The following C6 variants were observed in gnomAD, a reference collection of about 807,000 sequenced individuals.
C6 encodes complement C6.
A neutral mutation model predicts 112.9 loss-of-function variants in C6; 101 were observed. That is an observed-to-expected ratio of 0.89 (90% CI 0.76 to 1.06). The LOEUF is 1.06. C6 is among the 50% of genes least tolerant of loss of function. C6 has a pLI of 0.00. For missense variants in C6, 1,202 were observed against 1,104.6 expected (o/e 1.09, Z -1.25); for synonymous variants, 431 against 384.1 (o/e 1.12, Z -1.43).
At chr5:41,211,791 T>C (rs552719580) in intron 1 of C6, among the ~76,000 whole-genome samples, 15 of 152,264 alleles carry the variant, frequency 9.9e-5, no homozygotes, top group African/African-American at 3.1e-4. Flanking sequence ...TCCTCAATTG[T>C]AGAGAAAACA....
At chr5:41,188,249 G>A (rs1211629112) in intron 5 of C6, among the ~76,000 whole-genome samples, 2 of 152,054 alleles carry the variant, frequency 1.3e-5, no homozygotes, top group African/African-American at 2.4e-5. Flanking sequence ...CAAAATCTCA[G>A]CTGCCTTTTT....
chr5:41,199,570 G>C (rs978991800), intron 4 of C6, among the ~76,000 whole-genome samples, 198 bp downstream of exon 4: 36 of 151,996 alleles, frequency 2.4e-4, no homozygotes, highest in African/African-American at 8.7e-4. Context: ...CAGGTAAGTG[G>C]TCAAAATGGT....
At chr5:41,211,324 A>ATATGGCG (rs1751908463) in intron 1 of C6, among the ~76,000 whole-genome samples, 1 of 151,802 alleles carries the variant, frequency 6.6e-6, no homozygotes, top group Non-Finnish European at 1.5e-5. Flanking sequence ...CCAACATGGC[A>ATATGGCG]TATGTATACA....
chr5:41,223,345 C>G (rs949210613), intron 1 of C6, among the ~76,000 whole-genome samples: 1 of 152,192 alleles, frequency 6.6e-6, no homozygotes, highest in African/African-American at 2.4e-5. Context: ...TTTTTCTGCT[C>G]TTCTCTCTGG....
rs1446362276 is a variant in C6, at chr5:41,199,853, A to C, written c.360T>G (p.Pro120=). 1 of 1,613,708 alleles carries C rather than the reference A, an allele frequency of 6.2e-7. No individual in the cohort carries two copies. The highest frequency in any genetic ancestry group is 1.7e-5 in the Admixed American group (1 of 59,996). ...SQFGGQPCTA[P]LVAFQPCIPS... is the part of the protein sequence containing the mutation. Reference sequence around the variant, plus strand: ...GAATGCATGGTTGAAAGGCTACCAGAGGCGCAGTGCATGGCTGTCCCCCAA... The same window carrying C: ...GAATGCATGGTTGAAAGGCTACCAGCGGCGCAGTGCATGGCTGTCCCCCAA... The change falls in exon 4 of 18, where the codon CCT becomes CCG. Residue 120 remains proline (P), a synonymous_variant. Transcript: ENST00000337836.
chr5:41,164,694 C>A (rs551987226), intron 9 of C6, among the ~76,000 whole-genome samples: 3 of 152,270 alleles, frequency 2.0e-5, no homozygotes, highest in African/African-American at 7.2e-5. Context: ...CGGTCTCTAA[C>A]TTTGCAATGT....
At chr5:41,241,471 G>C (rs1216334042) in intron 1 of C6, among the ~76,000 whole-genome samples, 1 of 152,174 alleles carries the variant, frequency 6.6e-6, no homozygotes, top group Non-Finnish European at 1.5e-5. Context: ...ATTGTACATT[G>C]AACTGTGATT....
In C6 at chr5:41,261,373, C is replaced by G. The variant is rs777604843; in HGVS notation, c.-200G>C. 6.1e-4 allele frequency: 130 copies of G among 214,258 alleles called. 2 individuals carry two copies. Among genetic ancestry groups the G allele is most frequent in the Admixed American group, 2.9e-3 (44 of 15,298 alleles). The allele number at this position is 214,258 out of a possible 1,614,324, so 13.3% of individuals were successfully genotyped here. A position where few individuals can be genotyped will look rare whatever the true frequency, so the allele number is the denominator to read the frequency against. ...TATTTCAGTTTTTAAGACTCAGTTT[C>G]AGAATAAAATTTAATGAATGTTATG... On this transcript the variant is annotated 5_prime_UTR_variant, in exon 1 of 18. Transcript: ENST00000263413.
chr5:41,180,798 A>C (rs1395531818), intron 7 of C6, among the ~76,000 whole-genome samples: 1 of 151,630 alleles, frequency 6.6e-6, no homozygotes, highest in African/African-American at 2.4e-5. Context: ...AAAGATTTAG[A>C]GAATATACCT....
chr5:41,151,859 GAA>G (rs35572937), intron 15 of C6, among the ~76,000 whole-genome samples: 21 of 142,456 alleles, frequency 1.5e-4, no homozygotes, highest in East Asian at 6.1e-4. Context: ...AGAAGATAAG[GAA>G]AAAAAAAAAA....
At chr5:41,232,262 C>T (rs1483466286) in intron 1 of C6, among the ~76,000 whole-genome samples, 1 of 152,030 alleles carries the variant, frequency 6.6e-6, no homozygotes, top group Admixed American at 6.6e-5. Flanking sequence ...TGAGTTGTGG[C>T]CGTCTTAGTA....
chr5:41,227,398 G>A (rs931947189), intron 1 of C6, among the ~76,000 whole-genome samples: 1 of 151,740 alleles, frequency 6.6e-6, no homozygotes, highest in Non-Finnish European at 1.5e-5. Flanking sequence ...CTCCTATTCC[G>A]TAGGTTGTCT....
intron 13 of C6, among the ~76,000 whole-genome samples, chr5:41,156,580 T>A (rs1326375701): frequency 6.6e-6 from 1 of 152,330 alleles, no homozygotes; most frequent in East Asian, 1.9e-4. Flanking sequence ...GCAGTTGTTC[T>A]TCTGAGAATT....
At chr5:41,232,984 G>A (rs1444908) in intron 1 of C6, among the ~76,000 whole-genome samples, 11,682 of 151,842 alleles carry the variant, frequency 0.077, 745 homozygotes, top group African/African-American at 0.17. Flanking sequence ...TATAGAATCT[G>A]CTGCACTAGC....
intron 13 of C6, among the ~76,000 whole-genome samples, chr5:41,155,726 C>T (rs1304020674): frequency 6.6e-6 from 1 of 150,998 alleles, no homozygotes; most frequent in Non-Finnish European, 1.5e-5. Context: ...GAAATCCTGT[C>T]TCAAAACAAA....
intron 1 of C6, among the ~76,000 whole-genome samples, chr5:41,210,953 C>T (rs930992174): frequency 3.3e-5 from 5 of 152,118 alleles, no homozygotes; most frequent in African/African-American, 1.2e-4. Flanking sequence ...TTTATTGTGG[C>T]ACTATTCACA....
chr5:41,213,006 A>G (rs566053834), intron 1 of C6: 1 of 151,718 alleles, frequency 6.6e-6, no homozygotes, highest in Non-Finnish European at 1.5e-5. Flanking sequence ...ATTTCTTATT[A>G]TTTTTTTCTG....
At chr5:41,198,449 A>G (rs1750768883) in intron 4 of C6, among the ~76,000 whole-genome samples, 2 of 152,184 alleles carry the variant, frequency 1.3e-5, no homozygotes, top group African/African-American at 2.4e-5. Context: ...GGATTTACCA[A>G]TCAGTTCCTG....
rs750486659 is a variant in C6 at position 41,158,777 on chromosome 5, G to A, written c.1865C>T (p.Pro622Leu). The A allele has an allele frequency of 2.6e-6, 4 of 1,558,410 alleles. No homozygotes were observed. In the Admixed American group the frequency reaches 5.0e-5, roughly 20 times the overall value. Residue 622 changes from proline (P) to leucine (L), a missense_variant, in exon 13 of 18, where the codon CCA becomes CTA. By Grantham distance (98) the Pro-to-Leu change is moderately conservative. Coordinates refer to ENST00000337836, the MANE Select transcript of C6 (RefSeq NM_000065.5). ...TFSIMENNGQ[P>L]CINDDEEMKE... Reference sequence around the variant, plus strand: ...CATTTCTTCGTCATCATTGATACATGGTTGTCCACTAAAAGGGAAACATAA... The same window carrying A: ...CATTTCTTCGTCATCATTGATACATAGTTGTCCACTAAAAGGGAAACATAA...
Sources: allele counts gnomAD v4.1 joint callset (sites outside exome capture counted in the v4.1 genomes callset), GRCh38; gene constraint gnomAD v4.1.1; transcripts MANE v1.5; gene names NCBI Gene and HGNC (gene_info 2026-07-23, HGNC 2026-07-21).